COLGALT2: variants seen among roughly 807,000 people sequenced by gnomAD.
The protein encoded by COLGALT2 is procollagen galactosyltransferase 2.
A neutral mutation model predicts 73.4 loss-of-function variants in COLGALT2; 49 were observed. That is an observed-to-expected ratio of 0.67 (90% CI 0.53 to 0.85). COLGALT2 has a LOEUF of 0.85. Among genes scored for constraint, COLGALT2 ranks in the 40% least tolerant of loss-of-function variants. COLGALT2 has a pLI of 0.00. For synonymous variants in COLGALT2, 295 were observed against 307.6 expected (o/e 0.96, Z 0.43); for missense variants, 722 against 790.2 (o/e 0.91, Z 1.03).
At chr1:183,939,716 G>T in intron 11 of COLGALT2, among the ~76,000 whole-genome samples, 1 of 152,130 alleles carries the variant, frequency 6.6e-6, no homozygotes, top group African/African-American at 2.4e-5. Flanking sequence ...AAAATGAACT[G>T]GTGGCAGCAC....
intron 5 of COLGALT2, chr1:183,964,362 A>T: frequency 2.9e-6 from 1 of 346,406 alleles, no homozygotes. Flanking sequence ...AGAATGGAAC[A>T]CTGTAATCCA....
At chr1:184,016,824 C>T (rs1268088253) in intron 1 of COLGALT2, among the ~76,000 whole-genome samples, 2 of 152,166 alleles carry the variant, frequency 1.3e-5, no homozygotes, top group Non-Finnish European at 2.9e-5. Flanking sequence ...AGTTAACTGC[C>T]TGACATATTG....
chr1:183,978,622 G>GA (rs1553317170), intron 1 of COLGALT2, 102 bp from the exon 2 acceptor site: 2 of 567,150 alleles, frequency 3.5e-6, no homozygotes, highest in African/African-American at 2.2e-5. Flanking sequence ...GGCTACTCCT[G>GA]GAAAAAAAAT....
At chr1:183,948,528 A>G (rs1354498619) in intron 8 of COLGALT2, among the ~76,000 whole-genome samples, 3 of 152,328 alleles carry the variant, frequency 2.0e-5, no homozygotes, top group East Asian at 1.9e-4. Flanking sequence ...ATACCCTTTT[A>G]TGATAAAAAT....
chr1:183,972,951 G>A (rs1379647385), intron 4 of COLGALT2, among the ~76,000 whole-genome samples: 6 of 152,062 alleles, frequency 3.9e-5, no homozygotes, highest in Non-Finnish European at 5.9e-5. Context: ...CGCCCGCCTT[G>A]GCCTCCCAAA....
chr1:183,981,617 A>C (rs977459400), intron 1 of COLGALT2, among the ~76,000 whole-genome samples: 14 of 152,314 alleles, frequency 9.2e-5, no homozygotes, highest in African/African-American at 3.4e-4. Flanking sequence ...AGATCGGGCC[A>C]CTGCACTGCA....
At chr1:184,017,332 T>A (rs1428531765) in intron 1 of COLGALT2, among the ~76,000 whole-genome samples, 1 of 152,238 alleles carries the variant, frequency 6.6e-6, no homozygotes, top group Non-Finnish European at 1.5e-5. Flanking sequence ...GAGAATTAAG[T>A]CATTCACTTG....
chr1:183,994,696 C>A (rs1384707827), intron 1 of COLGALT2, among the ~76,000 whole-genome samples: 1 of 152,166 alleles, frequency 6.6e-6, no homozygotes, highest in Non-Finnish European at 1.5e-5. Flanking sequence ...CTCAGGTAAT[C>A]CGCCCGCCTT....
At chr1:184,025,334 C>T (rs537461449) in intron 1 of COLGALT2, among the ~76,000 whole-genome samples, 334 of 152,270 alleles carry the variant, frequency 2.2e-3, no homozygotes, top group Non-Finnish European at 4.2e-3. Flanking sequence ...AATCTGGAAA[C>T]AAAAGAAGCT....
intron 6 of COLGALT2, among the ~76,000 whole-genome samples, chr1:183,962,105 TA>T (rs891683951): frequency 6.6e-5 from 10 of 150,756 alleles, no homozygotes; most frequent in African/African-American, 2.4e-4. Context: ...TCAATGGATC[TA>T]AAAATAAACT....
intron 1 of COLGALT2, among the ~76,000 whole-genome samples, chr1:184,024,439 A>G (rs1447808490): frequency 1.3e-5 from 2 of 150,268 alleles, no homozygotes; most frequent in Non-Finnish European, 3.0e-5. Context: ...TGCAACCTTC[A>G]TCTCCTGGGT....
chr1:183,936,875 A>G lies in COLGALT2; in HGVS notation c.*1886T>C, dbSNP rs2986573. ...AGAAGGGTACCCACAGTGAGTCGGG[A>G]AGGAAGGCCGAGGCTGGCGTCTGGT... On this transcript the variant is annotated 3_prime_UTR_variant, in exon 12 of 12. Coordinates refer to ENST00000361927, the MANE Select transcript of COLGALT2 (RefSeq NM_015101.4). 929,029 of 1,231,478 alleles carry G rather than the reference A, an allele frequency of 0.75. 351,581 individuals are homozygous for G. The highest frequency in any genetic ancestry group is 0.79 in the South Asian group (19,111 of 24,296). 76.3% of individuals were successfully genotyped at this position (1,231,478 alleles called of 1,614,324 possible).
chr1:183,990,980 C>T (rs534278103), intron 1 of COLGALT2, among the ~76,000 whole-genome samples: 1 of 152,330 alleles, frequency 6.6e-6, no homozygotes, highest in Non-Finnish European at 1.5e-5. Flanking sequence ...TTAGCATGAG[C>T]ATGCATTTAT....
chr1:183,980,090 A>G (rs1211766832), intron 1 of COLGALT2, among the ~76,000 whole-genome samples: 1 of 152,070 alleles, frequency 6.6e-6, no homozygotes, highest in African/African-American at 2.4e-5. Flanking sequence ...AATACTACAT[A>G]TCAGAATTTT....
At position 183,938,717 on chromosome 1, in the gene COLGALT2, C is replaced by A. The variant is rs774521003; in HGVS notation, c.*44G>T. 6.3e-7 allele frequency: 1 copy of A among 1,598,478 alleles called. No homozygotes were observed. The highest frequency in any genetic ancestry group is 1.1e-5 in the South Asian group (1 of 88,908). On this transcript the variant is annotated 3_prime_UTR_variant, in exon 12 of 12. Coordinates refer to ENST00000361927, the MANE Select transcript of COLGALT2 (RefSeq NM_015101.4). Reference sequence around the variant, plus strand: ...ACAGATGAATAGCCCTTTAGAAAAACCAGAGGATGTTGAACTGATGTGGGC... The same window carrying A: ...ACAGATGAATAGCCCTTTAGAAAAAACAGAGGATGTTGAACTGATGTGGGC...
At chr1:183,962,230 G>A (rs1386167425) in intron 6 of COLGALT2, among the ~76,000 whole-genome samples, 4 of 132,198 alleles carry the variant, frequency 3.0e-5, no homozygotes, top group African/African-American at 1.2e-4. Flanking sequence ...CGCGATCTTG[G>A]CTCACTGCAA....
chr1:183,995,675 T>C (rs1243000376), intron 1 of COLGALT2, among the ~76,000 whole-genome samples: 1 of 152,170 alleles, frequency 6.6e-6, no homozygotes, highest in Non-Finnish European at 1.5e-5. Flanking sequence ...TATTTGTTTT[T>C]CTAAGGAAAC....
At chr1:183,977,054 T>A (rs1280570077) in intron 2 of COLGALT2, among the ~76,000 whole-genome samples, 1 of 152,208 alleles carries the variant, frequency 6.6e-6, no homozygotes, top group African/African-American at 2.4e-5. Flanking sequence ...TTGAACTTTG[T>A]TCAGGTCCTA....
intron 1 of COLGALT2, among the ~76,000 whole-genome samples, chr1:184,010,243 C>T (rs1392206043): frequency 6.6e-6 from 1 of 152,162 alleles, no homozygotes; most frequent in African/African-American, 2.4e-5. Flanking sequence ...ACCAAAGTTT[C>T]CAATTCTTAA....
Sources: allele counts gnomAD v4.1 joint callset (sites outside exome capture counted in the v4.1 genomes callset), GRCh38; gene constraint gnomAD v4.1.1; transcripts MANE v1.5; gene names NCBI Gene and HGNC (gene_info 2026-07-23, HGNC 2026-07-21).